Variants in HECW1 observed in about 807,000 individuals in gnomAD.
HECW1 encodes E3 ubiquitin-protein ligase HECW1.
Under a neutral mutation model 182.3 loss-of-function variants are expected in HECW1, and 61 were observed. The ratio of observed to expected loss-of-function variants is 0.33; its 90% CI spans 0.27 to 0.41. HECW1 has a LOEUF of 0.41. HECW1 is among the 10% of genes least tolerant of loss of function. The pLI is 1.00. For synonymous variants in HECW1, 859 were observed against 832.6 expected (o/e 1.03, Z -0.55); for missense variants, 1,739 against 2,108.9 (o/e 0.82, Z 3.44).
At chr7:43,136,171 T>C (rs551018895) in intron 2 of HECW1, among the ~76,000 whole-genome samples, 19 of 152,302 alleles carry the variant, frequency 1.2e-4, no homozygotes, top group Non-Finnish European at 1.9e-4. Context: ...ATGTGGGTTC[T>C]GCCTGAATCA....
intron 24 of HECW1, among the ~76,000 whole-genome samples, chr7:43,533,482 C>T (rs2081067575): frequency 1.3e-5 from 2 of 152,092 alleles, no homozygotes; most frequent in South Asian, 4.1e-4. Flanking sequence ...ACAATGGTGT[C>T]CTGGAGGCAT....
chr7:43,555,653 T>G (rs1190218693), intron 29 of HECW1, among the ~76,000 whole-genome samples: 1 of 152,244 alleles, frequency 6.6e-6, no homozygotes, highest in Non-Finnish European at 1.5e-5. Flanking sequence ...GACTATAGCT[T>G]TCACCTAGGT....
intron 3 of HECW1, among the ~76,000 whole-genome samples, chr7:43,253,498 A>C (rs952280278): frequency 6.6e-6 from 1 of 152,240 alleles, no homozygotes; most frequent in Non-Finnish European, 1.5e-5. Flanking sequence ...AGATTGTCAG[A>C]ATAAACCCTA....
chr7:43,274,473 G>A, intron 3 of HECW1: 2 of 624,754 alleles, frequency 3.2e-6, no homozygotes, highest in Non-Finnish European at 5.9e-6. Context: ...CCATGGGCCG[G>A]CACCGCACCC....
intron 2 of HECW1, among the ~76,000 whole-genome samples, chr7:43,135,440 A>G (rs974667080): frequency 6.6e-6 from 1 of 151,902 alleles, no homozygotes; most frequent in African/African-American, 2.4e-5. Context: ...AGCTAGGGCT[A>G]AAAAAAACAG....
intron 2 of HECW1, among the ~76,000 whole-genome samples, chr7:43,178,535 T>C (rs746006921): frequency 2.0e-5 from 3 of 152,230 alleles, no homozygotes; most frequent in Non-Finnish European, 4.4e-5. Flanking sequence ...CAGACAGCTT[T>C]CTGTAAAGCT....
intron 16 of HECW1, among the ~76,000 whole-genome samples, chr7:43,469,857 C>G (rs937512274): frequency 9.2e-5 from 14 of 152,226 alleles, no homozygotes; most frequent in African/African-American, 3.4e-4. Context: ...TGCCTGCAGT[C>G]ATGTCTGTGA....
chr7:43,238,432 C>T (rs190294354), intron 2 of HECW1, among the ~76,000 whole-genome samples: 1 of 152,316 alleles, frequency 6.6e-6, no homozygotes, highest in Admixed American at 6.5e-5. Flanking sequence ...GAGGTGGCCA[C>T]ACCCACAGGT....
chr7:43,534,708 C>T (rs73100756), intron 24 of HECW1, among the ~76,000 whole-genome samples: 1 of 152,178 alleles, frequency 6.6e-6, no homozygotes, highest in Non-Finnish European at 1.5e-5. Context: ...CAGTTTAATT[C>T]CATTCAACAA....
At chr7:43,434,100 T>C (rs2076634613) in intron 8 of HECW1, among the ~76,000 whole-genome samples, 1 of 152,156 alleles carries the variant, frequency 6.6e-6, no homozygotes. Flanking sequence ...TTTAACCAAG[T>C]GGCCGTTTCT....
intron 2 of HECW1, among the ~76,000 whole-genome samples, chr7:43,221,965 C>G (rs1257122662): frequency 1.3e-5 from 2 of 152,132 alleles, no homozygotes; most frequent in African/African-American, 4.8e-5. Flanking sequence ...AGTCCTTAGA[C>G]CAGAGTGTCC....
At chr7:43,171,513 G>A (rs1791687958) in intron 2 of HECW1, among the ~76,000 whole-genome samples, 1 of 152,166 alleles carries the variant, frequency 6.6e-6, no homozygotes, top group Admixed American at 6.5e-5. Flanking sequence ...GGGGCTCCAA[G>A]GAAAGGACAA....
chr7:43,314,061 G>A (rs1479011746), intron 4 of HECW1, among the ~76,000 whole-genome samples: 1 of 152,138 alleles, frequency 6.6e-6, no homozygotes, highest in Non-Finnish European at 1.5e-5. Context: ...TGATCCTTCA[G>A]CCTCAGCCTC....
intron 2 of HECW1, among the ~76,000 whole-genome samples, chr7:43,144,621 T>A (rs1369959006): frequency 1.3e-5 from 2 of 152,206 alleles, no homozygotes; most frequent in Non-Finnish European, 2.9e-5. Flanking sequence ...GGGAGCCCTT[T>A]TATTGACTTG....
At position 43,445,277 on chromosome 7, in the gene HECW1, G is replaced by C; in HGVS notation, c.2105G>C (p.Cys702Ser). 6.2e-7 allele frequency: 1 copy of C among 1,612,870 alleles called. No individual in the cohort carries two copies. The highest frequency in any genetic ancestry group is 8.5e-7 in the Non-Finnish European group (1 of 1,179,202). ...AGCAGCTCGTGCTACAGCGCCTCGT[G>C]CTACAGCCCCTCCTGCTACAACGGC... ...CYSSSCYSAS[C>S]YSPSCYNGNR... The change falls in exon 11 of 30, where the codon TGC (cysteine) becomes TCC (serine). Residue 702 changes from cysteine to serine, a missense_variant. Coordinates refer to ENST00000395891, the MANE Select transcript of HECW1 (RefSeq NM_015052.5).
intron 8 of HECW1, among the ~76,000 whole-genome samples, chr7:43,427,472 A>G (rs2076398111): frequency 6.6e-6 from 1 of 152,242 alleles, no homozygotes; most frequent in Non-Finnish European, 1.5e-5. Flanking sequence ...ACACTTATTT[A>G]AACATCAACT....
At chr7:43,523,049 G>T in intron 24 of HECW1, 1 of 447,260 alleles carries the variant, frequency 2.2e-6, no homozygotes, top group Non-Finnish European at 4.5e-6. Flanking sequence ...TGTCCCCCAG[G>T]CTAGAGTGCA....
At chr7:43,290,006 G>A (rs1805189626) in intron 3 of HECW1, among the ~76,000 whole-genome samples, 1 of 152,230 alleles carries the variant, frequency 6.6e-6, no homozygotes, top group Non-Finnish European at 1.5e-5. Flanking sequence ...GGAGGCCAAG[G>A]CCTTTGTTAT....
At chr7:43,331,944 G>A (rs1245972248) in intron 5 of HECW1, among the ~76,000 whole-genome samples, 1 of 152,118 alleles carries the variant, frequency 6.6e-6, no homozygotes, top group African/African-American at 2.4e-5. Context: ...TAGGCAACAG[G>A]ATCCAGAGAA....
Sources: allele counts gnomAD v4.1 joint callset (sites outside exome capture counted in the v4.1 genomes callset), GRCh38; gene constraint gnomAD v4.1.1; transcripts MANE v1.5; gene names NCBI Gene and HGNC (gene_info 2026-07-23, HGNC 2026-07-21).